The following PIEZO2 variants were observed in gnomAD, a reference collection of about 807,000 sequenced individuals.
The protein encoded by PIEZO2 is piezo-type mechanosensitive ion channel component 2.
In PIEZO2, 172 loss-of-function variants were observed where a neutral mutation model predicts 337.3. The observed-to-expected ratio is 0.51, with a 90% CI of 0.45 to 0.58. PIEZO2 has a LOEUF of 0.58. Among genes scored for constraint, PIEZO2 ranks in the 20% least tolerant of loss-of-function variants. The pLI is 0.00. For synonymous variants in PIEZO2, 1,251 were observed against 1,228.5 expected (o/e 1.02, Z -0.38); for missense variants, 3,028 against 3,391.3 (o/e 0.89, Z 2.66).
Position 10,824,476 on chromosome 18 carries a change from C to T in PIEZO2, c.918-17202G>A, listed in dbSNP as rs2040611033. ...TTGTTGGCTATGAACAGTAATAGTG[C>T]AAAGCTAATAAAATTTTAAATGAAC... On this transcript the variant is annotated intron_variant, in intron 7 of 55. Coordinates refer to ENST00000674853, the MANE Select transcript of PIEZO2 (RefSeq NM_001378183.1). The surrounding 1 kb of genome is among the most constrained non-coding windows in gnomAD (Gnocchi z 4.4). Among the ~76,000 whole-genome samples the T allele has an allele frequency of 6.6e-6, 1 of 151,916 alleles. No individual in the cohort carries two copies. The highest frequency in any genetic ancestry group is 2.1e-4 in the South Asian group (1 of 4,810).
rs772874017 is a variant in PIEZO2 at position 10,888,780 on chromosome 18, T to C, written c.330-17365A>G. Among the ~76,000 whole-genome samples the C allele has an allele frequency of 2.0e-5, 3 of 152,018 alleles. No individual in the cohort carries two copies. The highest frequency in any genetic ancestry group is 4.4e-5 in the Non-Finnish European group (3 of 68,002). On this transcript the variant is annotated intron_variant, in intron 4 of 55. Coordinates refer to ENST00000674853, the MANE Select transcript of PIEZO2 (RefSeq NM_001378183.1). The surrounding 1 kb of genome is among the most constrained non-coding windows in gnomAD (Gnocchi z 4.1). ...AGTTCCCCATCAGTGATTTGTTTAA[T>C]GTAACTAATTCCCAATCCATAGCAA...
rs535256916 is a variant in PIEZO2, at chr18:10,773,202, C to T, written c.2785+210G>A. On this transcript the variant is annotated intron_variant, in intron 20 of 55. Transcript: ENST00000674853. The surrounding 1 kb of genome is among the most constrained non-coding windows in gnomAD (Gnocchi z 5.3). ...TGAGGGTCAGTCACTGATAACCAGT[C>T]GTCTGGTCTCTACTCAGTCAGAATT... Among the ~76,000 whole-genome samples the T allele has an allele frequency of 2.0e-5, 3 of 152,264 alleles. No homozygotes were observed. The East Asian group carries it at 5.8e-4, about 29-fold the overall frequency.
intron 2 of PIEZO2, among the ~76,000 whole-genome samples, chr18:10,989,229 T>C (rs1485492414): frequency 2.0e-5 from 3 of 152,096 alleles, no homozygotes; most frequent in Non-Finnish European, 2.9e-5. Context: ...ACATTAATTG[T>C]ACAGATTTTT....
chr18:10,767,539 C>T lies in PIEZO2; in HGVS notation c.2946+2609G>A, dbSNP rs2038415133. ...TGCAGGGAGGAGAACGTCCTCTGCGCGCAGCCCGAGTGAGGAGCTAATGAC... is the reference window on the plus strand; with the variant it reads ...TGCAGGGAGGAGAACGTCCTCTGCGTGCAGCCCGAGTGAGGAGCTAATGAC... On this transcript the variant is annotated intron_variant, in intron 21 of 55. Transcript: ENST00000674853. The surrounding 1 kb of genome is among the most constrained non-coding windows in gnomAD (Gnocchi z 4.2). Among the ~76,000 whole-genome samples the T allele has an allele frequency of 6.6e-6, 1 of 152,128 alleles. No homozygotes were observed. The highest frequency in any genetic ancestry group is 6.5e-5 in the Admixed American group (1 of 15,286).
chr18:10,828,463 G>C lies in PIEZO2; in HGVS notation c.918-21189C>G, dbSNP rs1311323679. Among the ~76,000 whole-genome samples, 1 of 151,962 alleles carries C rather than the reference G, an allele frequency of 6.6e-6. No individual in the cohort carries two copies. Among genetic ancestry groups the C allele is most frequent in the African/African-American group, 2.4e-5 (1 of 41,366 alleles). On this transcript the variant is annotated intron_variant, in intron 7 of 55. Transcript: ENST00000674853. The surrounding 1 kb of genome is among the most constrained non-coding windows in gnomAD (Gnocchi z 4.1). ...CATTTTAACAGCTTCTTCAATTAAG[G>C]GATTCATGTTTTCCTTCCATTGTTT...
chr18:10,855,469 C>A lies in PIEZO2; in HGVS notation c.801G>T (p.Leu267=). 6.5e-7 allele frequency: 1 copy of A among 1,537,140 alleles called. No homozygotes were observed. The highest frequency in any genetic ancestry group is 8.7e-7 in the Non-Finnish European group (1 of 1,146,862). Residue 267 remains leucine, a synonymous_variant, in exon 7 of 56, where the codon CTG becomes CTT. Transcript: ENST00000674853. The surrounding 1 kb of genome is among the most constrained non-coding windows in gnomAD (Gnocchi z 4.9). ...WSWCRTFDPL[L]FSCLCVLLAI... is the part of the protein sequence containing the mutation. ...CCAGCAGAACACAGAGACAGCTGAA[C>A]AGCAATGGGTCGAACGTCCGGCACC...
chr18:11,124,831 C>T (rs1234576964), intron 1 of PIEZO2, among the ~76,000 whole-genome samples: 3 of 152,108 alleles, frequency 2.0e-5, no homozygotes, highest in African/African-American at 7.2e-5. Flanking sequence ...AGCGCTGGAT[C>T]GTACATGGTC....
At chr18:10,749,590 C>T (rs2037567123) in intron 29 of PIEZO2, among the ~76,000 whole-genome samples, 1 of 152,154 alleles carries the variant, frequency 6.6e-6, no homozygotes, top group South Asian at 2.1e-4. Flanking sequence ...GTGCAAGAGG[C>T]AGGGTGGTGG....
rs1422013488 is a variant in PIEZO2 at position 11,099,426 on chromosome 18, G to C, written c.65-33204C>G. Reference sequence around the variant, plus strand: ...TATTTTTGTCGTTTGTTTTTCAACAGGCAAGATGTGGGTTCTTCTTAACAT... The same window carrying C: ...TATTTTTGTCGTTTGTTTTTCAACACGCAAGATGTGGGTTCTTCTTAACAT... On this transcript the variant is annotated intron_variant, in intron 1 of 55. Coordinates refer to ENST00000674853, the MANE Select transcript of PIEZO2 (RefSeq NM_001378183.1). The surrounding 1 kb of genome is among the most constrained non-coding windows in gnomAD (Gnocchi z 5.4). Among the ~76,000 whole-genome samples the C allele has an allele frequency of 6.6e-6, 1 of 152,070 alleles. No individual in the cohort carries two copies. The highest frequency in any genetic ancestry group is 1.5e-5 in the Non-Finnish European group (1 of 68,000).
chr18:11,015,375 C>G (rs1251013003), intron 2 of PIEZO2, among the ~76,000 whole-genome samples: 1 of 152,186 alleles, frequency 6.6e-6, no homozygotes, highest in South Asian at 2.1e-4. Context: ...TGTCTTCCTT[C>G]TCTGTGTGCT....
At chr18:10,700,620 G>C (rs1466547609) in intron 43 of PIEZO2, among the ~76,000 whole-genome samples, 1 of 152,018 alleles carries the variant, frequency 6.6e-6, no homozygotes, top group Non-Finnish European at 1.5e-5. Context: ...AATTTTAAAT[G>C]ATACAAAAGA....
At position 11,033,862 on chromosome 18, in the gene PIEZO2, G is replaced by T. The variant is rs139819581; in HGVS notation, c.160+32265C>A. The stretch of plus-strand genomic sequence containing the variant: ...AAGAATGTGCAAAGCTGACAGTCAC[G>T]TTTTTTCCTAACTTTCCACCAAAAA... On this transcript the variant is annotated intron_variant, in intron 2 of 55. Transcript: ENST00000674853. This position sits in a 1 kb window ranked among gnomAD's most constrained non-coding sequence, Gnocchi z 4.2. 6.6e-6 allele frequency among the ~76,000 whole-genome samples: 1 copy of T among 151,988 alleles called. No individual in the cohort carries two copies. Among genetic ancestry groups the T allele is most frequent in the African/African-American group, 2.4e-5 (1 of 41,364 alleles).
intron 4 of PIEZO2, among the ~76,000 whole-genome samples, chr18:10,890,913 A>T (rs1030643587): frequency 1.3e-5 from 2 of 152,166 alleles, no homozygotes; most frequent in Non-Finnish European, 2.9e-5. Flanking sequence ...CCAGTACTTT[A>T]TTTTTTCTGT....
chr18:10,842,186 A>G (rs1018598829), intron 7 of PIEZO2, among the ~76,000 whole-genome samples: 1 of 147,422 alleles, frequency 6.8e-6, no homozygotes, highest in Non-Finnish European at 1.5e-5. Flanking sequence ...GCATTTTTTT[A>G]TTTTTGTTTT....
chr18:10,926,451 T>C (rs2031745851), intron 3 of PIEZO2, among the ~76,000 whole-genome samples: 2 of 152,166 alleles, frequency 1.3e-5, no homozygotes, highest in Non-Finnish European at 2.9e-5. Flanking sequence ...ACGGGCTCAG[T>C]TCAATCAGGC....
At chr18:10,890,533 A>C (rs1036356916) in intron 4 of PIEZO2, 1 of 152,212 alleles carries the variant, frequency 6.6e-6, no homozygotes, top group African/African-American at 2.4e-5. Flanking sequence ...GCAGAAGAAG[A>C]AGCAAACACA....
intron 20 of PIEZO2, among the ~76,000 whole-genome samples, chr18:10,771,707 T>C (rs970127367): frequency 3.9e-5 from 6 of 152,216 alleles, no homozygotes; most frequent in Non-Finnish European, 5.9e-5. Flanking sequence ...AGTCCAAAAA[T>C]ATTAAATGGA....
At chr18:10,688,771 G>A (rs1260637364) in intron 49 of PIEZO2, among the ~76,000 whole-genome samples, 1 of 151,914 alleles carries the variant, frequency 6.6e-6, no homozygotes, top group Non-Finnish European at 1.5e-5. Context: ...TTCCTTGTGT[G>A]TCAGGATTTC....
In PIEZO2 at chr18:11,102,966, G is replaced by A. The variant is rs1229992240; in HGVS notation, c.65-36744C>T. Among the ~76,000 whole-genome samples, 3 of 152,114 alleles carry A rather than the reference G, an allele frequency of 2.0e-5. No individual in the cohort carries two copies. The highest frequency in any genetic ancestry group is 7.2e-5 in the African/African-American group (3 of 41,428). On this transcript the variant is annotated intron_variant, in intron 1 of 55. Transcript: ENST00000674853. This position sits in a 1 kb window ranked among gnomAD's most constrained non-coding sequence, Gnocchi z 5.7. ...GGAAGGACTCTCACTGGTCTTCTGT[G>A]GGTCAGGTGTCTCCCCTGAACCAAT...
Sources: allele counts gnomAD v4.1 joint callset (sites outside exome capture counted in the v4.1 genomes callset), GRCh38; gene constraint gnomAD v4.1.1; non-coding constraint Gnocchi (gnomAD v3.1); transcripts MANE v1.5; gene names NCBI Gene and HGNC (gene_info 2026-07-23, HGNC 2026-07-21).